CECR2: variants seen among roughly 807,000 people sequenced by gnomAD.
CECR2 encodes the protein chromatin remodeling regulator CECR2.
Under a neutral mutation model 154.5 loss-of-function variants are expected in CECR2, and 30 were observed. The observed-to-expected ratio is 0.19, with a 90% confidence interval of 0.15 to 0.26. CECR2 has a LOEUF of 0.26. Among genes scored for constraint, CECR2 ranks in the 10% least tolerant of loss-of-function variants. The pLI is 1.00. For synonymous variants in CECR2, 725 were observed against 683.7 expected (o/e 1.06, Z -0.94); for missense variants, 1,743 against 1,829.3 (o/e 0.95, Z 0.86).
At chr22:17,363,300 C>T (rs1418682098) in intron 1 of CECR2, among the ~76,000 whole-genome samples, 1 of 151,922 alleles carries the variant, frequency 6.6e-6, no homozygotes, top group Non-Finnish European at 1.5e-5. Flanking sequence ...CCTCCGCCTC[C>T]TGGGTTCAAG....
chr22:17,410,683 T>C (rs1024429568), intron 1 of CECR2, among the ~76,000 whole-genome samples: 7 of 152,150 alleles, frequency 4.6e-5, no homozygotes, highest in African/African-American at 1.7e-4. Context: ...CCTGACCTTG[T>C]GACCTGCCTC....
chr22:17,555,372 TC>T lies in CECR2; in HGVS notation c.*2534del, dbSNP rs2056761421. ...TCAGCAGCAGCAGAATTGTCAGCCT[TC>T]CTGCGTCCTGTGTGGGAATGTGTCC... On this transcript the variant is annotated 3_prime_UTR_variant, in exon 19 of 19. Transcript: ENST00000262608. 1 of 152,276 alleles carries T rather than the reference TC, an allele frequency of 6.6e-6. No individual in the cohort carries two copies. The highest frequency in any genetic ancestry group is 2.4e-5 in the African/African-American group (1 of 41,462). The allele number at this position is 152,276 out of a possible 1,614,324, so 9.4% of individuals were successfully genotyped here. A position where few individuals can be genotyped will look rare whatever the true frequency, so the allele number is the denominator to read the frequency against.
chr22:17,364,342 CAAAA>C (rs59134897), intron 1 of CECR2, among the ~76,000 whole-genome samples: 4 of 52,944 alleles, frequency 7.6e-5, no homozygotes, highest in Non-Finnish European at 9.1e-5. Flanking sequence ...GACTCTGTCT[CAAAA>C]AAAAAAAAAA....
At chr22:17,432,343 G>A (rs1012232957) in intron 1 of CECR2, among the ~76,000 whole-genome samples, 37 of 152,338 alleles carry the variant, frequency 2.4e-4, no homozygotes, top group African/African-American at 7.2e-4. Flanking sequence ...CACTGTGTGG[G>A]TAATACCACA....
chr22:17,500,749 G>T lies in CECR2; in HGVS notation c.650+14G>T, dbSNP rs1237472870. On this transcript the variant is annotated intron_variant, in intron 5 of 18. Transcript: ENST00000262608. Reference sequence around the variant, plus strand: ...GATTCTGTTGAGGTAAGAAAATCTTGTTAGTTGTGGTCATAGACCATGGCA... The same window carrying T: ...GATTCTGTTGAGGTAAGAAAATCTTTTTAGTTGTGGTCATAGACCATGGCA... 2.0e-6 allele frequency: 3 copies of T among 1,510,986 alleles called. No individual in the cohort carries two copies. The highest frequency in any genetic ancestry group is 1.8e-6 in the Non-Finnish European group (2 of 1,114,054). The allele number at this position is 1,510,986 out of a possible 1,614,324, so 93.6% of individuals were successfully genotyped here.
intron 1 of CECR2, among the ~76,000 whole-genome samples, chr22:17,445,472 G>A (rs533737087): frequency 6.6e-6 from 1 of 151,974 alleles, no homozygotes; most frequent in African/African-American, 2.4e-5. Flanking sequence ...ACCAAAATTC[G>A]TGGATGCTCA....
intron 1 of CECR2, chr22:17,428,580 A>T (rs2054367350): frequency 6.6e-6 from 1 of 152,190 alleles, no homozygotes; most frequent in African/African-American, 2.4e-5. Context: ...ATATTTCACA[A>T]TAAAAGTTTT....
chr22:17,405,103 C>T (rs757562981), intron 1 of CECR2, among the ~76,000 whole-genome samples: 2 of 152,082 alleles, frequency 1.3e-5, no homozygotes, highest in East Asian at 3.8e-4. Context: ...CTTTTTGATG[C>T]TATTATACAT....
chr22:17,475,153 T>G (rs1196824358), intron 1 of CECR2, among the ~76,000 whole-genome samples: 1 of 152,126 alleles, frequency 6.6e-6, no homozygotes, highest in Non-Finnish European at 1.5e-5. Flanking sequence ...GGGAAGACTT[T>G]GCAGATAAAG....
chr22:17,525,617 C>T (rs1225589633), intron 9 of CECR2, among the ~76,000 whole-genome samples: 1 of 152,164 alleles, frequency 6.6e-6, no homozygotes, highest in Non-Finnish European at 1.5e-5. Flanking sequence ...ATAAAAAAAA[C>T]AACCCTTAGT....
chr22:17,406,707 T>G (rs189558806), intron 1 of CECR2, among the ~76,000 whole-genome samples: 88 of 152,348 alleles, frequency 5.8e-4, no homozygotes, highest in African/African-American at 2.0e-3. Context: ...CTGCCAGCTC[T>G]TTCTTCTAGC....
chr22:17,461,553 G>A (rs2054937842), intron 1 of CECR2, among the ~76,000 whole-genome samples: 1 of 152,144 alleles, frequency 6.6e-6, no homozygotes, highest in African/African-American at 2.4e-5. Flanking sequence ...GGAGTTTGAT[G>A]GCTTTCGTTA....
intron 2 of CECR2, among the ~76,000 whole-genome samples, chr22:17,480,419 TACACAC>T (rs55977287): frequency 0.049 from 6,692 of 137,372 alleles, 178 homozygotes; most frequent in African/African-American, 0.088. Flanking sequence ...TCATGTATAA[TACACAC>T]ACACACACAC....
At chr22:17,511,924 G>GA in intron 8 of CECR2, 28 bp downstream of exon 8, 1 of 1,521,058 alleles carries the variant, frequency 6.6e-7, no homozygotes, top group East Asian at 2.3e-5. Context: ...TAGCGAGGAG[G>GA]AGCTTTCCTG....
intron 1 of CECR2, among the ~76,000 whole-genome samples, chr22:17,454,556 G>C (rs1471504052): frequency 6.7e-6 from 1 of 149,162 alleles, no homozygotes; most frequent in Non-Finnish European, 1.5e-5. Context: ...AGTGAGCTGA[G>C]ATCGCACCAC....
At chr22:17,456,224 G>C (rs897443313) in intron 1 of CECR2, among the ~76,000 whole-genome samples, 3 of 152,044 alleles carry the variant, frequency 2.0e-5, no homozygotes, top group Non-Finnish European at 4.4e-5. Context: ...AGTTGAGTTT[G>C]CTTTTGGATT....
intron 8 of CECR2, among the ~76,000 whole-genome samples, chr22:17,522,553 T>C (rs1476350544): frequency 6.6e-6 from 1 of 152,220 alleles, no homozygotes; most frequent in Non-Finnish European, 1.5e-5. Context: ...TTTATGGTTG[T>C]TATTTAATTC....
At chr22:17,480,823 T>A (rs1454570589) in intron 2 of CECR2, among the ~76,000 whole-genome samples, 1 of 150,242 alleles carries the variant, frequency 6.7e-6, no homozygotes, top group Non-Finnish European at 1.5e-5. Flanking sequence ...GCAGATCACT[T>A]GAGGTCGGGA....
intron 2 of CECR2, among the ~76,000 whole-genome samples, chr22:17,494,099 T>C (rs2055578228): frequency 6.6e-6 from 1 of 152,224 alleles, no homozygotes; most frequent in South Asian, 2.1e-4. Flanking sequence ...ATTTTCTTTC[T>C]TTCTTTCTTT....
Sources: gnomAD v4.1 joint callset for allele counts (sites outside exome capture counted in the v4.1 genomes callset) on GRCh38, gnomAD v4.1.1 for gene constraint, MANE v1.5 for transcripts, NCBI Gene and HGNC (gene_info 2026-07-23, HGNC 2026-07-21) for gene names.